Variants in SFXN5 observed in about 807,000 individuals in gnomAD.
SFXN5 encodes sideroflexin-5.
SFXN5 carries 43 observed loss-of-function variants against 50.2 expected under a neutral mutation model. The observed-to-expected ratio is 0.86, with a 90% CI of 0.67 to 1.11. SFXN5 has a LOEUF of 1.11. Among genes scored for constraint, SFXN5 ranks in the 50% least tolerant of loss-of-function variants. The pLI is 0.00. For missense variants in SFXN5, 463 were observed against 454.1 expected, an observed-to-expected ratio of 1.02 and a Z score of -0.18; for synonymous variants, 203 against 185.8, an observed-to-expected ratio of 1.09 and a Z score of -0.75.
chr2:72,991,098 T>TG (rs2105601811), intron 9 of SFXN5, among the ~76,000 whole-genome samples: 1 of 152,236 alleles, frequency 6.6e-6, no homozygotes, highest in African/African-American at 2.4e-5. Context: ...GACAGCCTCT[T>TG]GGGGGTAGGC....
chr2:73,025,043 T>A (rs2105849823), intron 3 of SFXN5, among the ~76,000 whole-genome samples: 1 of 151,938 alleles, frequency 6.6e-6, no homozygotes, highest in South Asian at 2.1e-4. Context: ...TAAAAAATAA[T>A]AATTGGGGAA....
At chr2:73,060,264 G>C (rs757481755) in intron 1 of SFXN5, among the ~76,000 whole-genome samples, 3 of 152,044 alleles carry the variant, frequency 2.0e-5, no homozygotes, top group Non-Finnish European at 2.9e-5. Flanking sequence ...AAAATGATGG[G>C]GATATGTTAA....
intron 1 of SFXN5, among the ~76,000 whole-genome samples, chr2:73,068,288 G>A (rs945736959): frequency 6.6e-6 from 1 of 152,324 alleles, no homozygotes; most frequent in South Asian, 2.1e-4. Context: ...GCAGGCTTCT[G>A]TCAGGCCAGC....
chr2:73,004,680 G>A (rs371241764), intron 6 of SFXN5, among the ~76,000 whole-genome samples: 3 of 152,080 alleles, frequency 2.0e-5, no homozygotes, highest in African/African-American at 2.4e-5. Context: ...CAGGAACACC[G>A]AGCTGCATCG....
chr2:72,989,423 C>T (rs945335742), intron 9 of SFXN5, among the ~76,000 whole-genome samples: 2 of 152,108 alleles, frequency 1.3e-5, no homozygotes, highest in Non-Finnish European at 2.9e-5. Context: ...CACCCCAGGG[C>T]TGGTATAAGA....
At position 73,040,843 on chromosome 2, in the gene SFXN5, C is replaced by T; in HGVS notation, c.249+11G>A. 6.2e-7 allele frequency: 1 copy of T among 1,605,572 alleles called. No individual in the cohort carries two copies. Among genetic ancestry groups the T allele is most frequent in the Non-Finnish European group, 8.5e-7 (1 of 1,175,870 alleles). On this transcript the variant is annotated intron_variant, in intron 3 of 13. Transcript: ENST00000272433. ...CCCCACTGGCCATGCTCCCACCTCC[C>T]ACAGAGTTACCTGTTCATTGGTGAC...
At chr2:73,035,744 C>T (rs1253849249) in intron 3 of SFXN5, among the ~76,000 whole-genome samples, 1 of 152,120 alleles carries the variant, frequency 6.6e-6, no homozygotes, top group Non-Finnish European at 1.5e-5. Context: ...AGGTGATCCA[C>T]CTGTCTTGGC....
At chr2:73,001,960 A>C (rs1465944918) in intron 6 of SFXN5, among the ~76,000 whole-genome samples, 1 of 152,252 alleles carries the variant, frequency 6.6e-6, no homozygotes, top group Non-Finnish European at 1.5e-5. Flanking sequence ...GACATGTATT[A>C]TTTCCACAAT....
chr2:72,989,522 G>A (rs1026506979), intron 9 of SFXN5, among the ~76,000 whole-genome samples: 3 of 152,066 alleles, frequency 2.0e-5, no homozygotes, highest in African/African-American at 7.2e-5. Flanking sequence ...ACCGGATGGG[G>A]TGACTGCACC....
chr2:73,000,499 T>A lies in SFXN5; in HGVS notation c.412-12A>T. 6.4e-7 allele frequency: 1 copy of A among 1,556,576 alleles called. No homozygotes were observed. Among genetic ancestry groups the A allele is most frequent in the East Asian group, 2.4e-5 (1 of 41,840 alleles). ...CTCTGGTTCAGCCACTGAAAGGCAA[T>A]GATGAGAGAAGTCAGGGAAGGAGTG... On this transcript the variant is annotated splice_polypyrimidine_tract_variant and intron_variant, in intron 7 of 13. Transcript: ENST00000272433.
intron 6 of SFXN5, among the ~76,000 whole-genome samples, chr2:73,009,714 G>A (rs185914825): frequency 5.9e-5 from 9 of 152,308 alleles, no homozygotes; most frequent in Admixed American, 5.9e-4. Context: ...GGAAAGGATC[G>A]GTCCTGTTAG....
Position 72,945,279 on chromosome 2 carries a change from C to T in SFXN5, c.946-180G>A, listed in dbSNP as rs976745960. On this transcript the variant is annotated intron_variant, in intron 13 of 13. Coordinates refer to ENST00000272433, the MANE Select transcript of SFXN5 (RefSeq NM_144579.3). The surrounding 1 kb of genome is among the most constrained non-coding windows in gnomAD (Gnocchi z 5.8). ...ACATCTTCCTTCTCCACCGCCCTCC[C>T]GCCGCGGGGCTCACAGCATCCCTTC... Among the ~76,000 whole-genome samples the T allele has an allele frequency of 3.3e-5, 5 of 152,132 alleles. No individual in the cohort carries two copies. The highest frequency in any genetic ancestry group is 5.9e-5 in the Non-Finnish European group (4 of 68,002).
chr2:73,022,423 C>T lies in SFXN5; in HGVS notation c.331+99G>A. 6.7e-6 allele frequency: 6 copies of T among 891,750 alleles called. No individual in the cohort carries two copies. The East Asian group carries it at 9.7e-5, about 14-fold the overall frequency. 55.2% of individuals were successfully genotyped at this position (891,750 alleles called of 1,614,324 possible). A position where few individuals can be genotyped will look rare whatever the true frequency, so the allele number is the denominator to read the frequency against. ...AATATGGCCATGATTGTAACAGGCTCTGTCCCCTCCTTAGGCCAGCACATC... is the reference window on the plus strand; with the variant it reads ...AATATGGCCATGATTGTAACAGGCTTTGTCCCCTCCTTAGGCCAGCACATC... On this transcript the variant is annotated intron_variant, in intron 5 of 13. Coordinates refer to ENST00000272433, the MANE Select transcript of SFXN5 (RefSeq NM_144579.3).
At chr2:73,041,431 C>A (rs183259881) in intron 2 of SFXN5, among the ~76,000 whole-genome samples, 1 of 152,140 alleles carries the variant, frequency 6.6e-6, no homozygotes, top group Admixed American at 6.5e-5. Context: ...GTGGCTCACA[C>A]CTGTAATCCC....
chr2:73,034,749 A>G (rs1444198290), intron 3 of SFXN5, among the ~76,000 whole-genome samples: 2 of 152,162 alleles, frequency 1.3e-5, no homozygotes, highest in African/African-American at 4.8e-5. Flanking sequence ...ATTCCTCCCC[A>G]GTGCACTCTG....
chr2:73,058,664 G>GA, intron 1 of SFXN5, 68 bp from the exon 2 acceptor site: 14 of 1,483,526 alleles, frequency 9.4e-6, no homozygotes, highest in Non-Finnish European at 1.3e-5. Context: ...AGACACTGGA[G>GA]AGCCCCACCC....
intron 1 of SFXN5, among the ~76,000 whole-genome samples, chr2:73,066,884 C>CA (rs1269650381): frequency 1.3e-5 from 2 of 151,750 alleles, no homozygotes; most frequent in African/African-American, 4.8e-5. Context: ...AACAAACAAA[C>CA]AAAAAATACA....
chr2:73,004,315 GCACACACACA>G (rs59114781), intron 6 of SFXN5, among the ~76,000 whole-genome samples: 1 of 115,556 alleles, frequency 8.7e-6, no homozygotes, highest in African/African-American at 2.7e-5. Context: ...GAGTGCGCGC[GCACACACACA>G]CACACACACA....
chr2:72,998,875 C>A (rs961046403), intron 9 of SFXN5, 74 bp downstream of exon 9: 2 of 1,519,220 alleles, frequency 1.3e-6, no homozygotes, highest in Non-Finnish European at 1.8e-6. Context: ...CTCAGACAAG[C>A]ATCCACCTGC....
Sources: allele counts gnomAD v4.1 joint callset (sites outside exome capture counted in the v4.1 genomes callset), GRCh38; gene constraint gnomAD v4.1.1; non-coding constraint Gnocchi (gnomAD v3.1); transcripts MANE v1.5; gene names NCBI Gene and HGNC (gene_info 2026-07-23, HGNC 2026-07-21).